The following CSMD3 variants were observed in gnomAD, a reference collection of about 807,000 sequenced individuals.
CSMD3 encodes CUB and Sushi multiple domains 3.
In CSMD3, 177 loss-of-function variants were observed where a neutral mutation model predicts 435.2. That is an observed-to-expected ratio of 0.41 (90% CI 0.36 to 0.46). The LOEUF (loss-of-function observed/expected upper bound fraction) is 0.46, where lower values mean the gene tolerates loss of function less well. Among genes scored for constraint, CSMD3 ranks in the 20% least tolerant of loss-of-function variants. CSMD3 has a pLI of 0.34. For missense variants in CSMD3, 4,265 were observed against 4,504.6 expected (o/e 0.95, Z 1.52); for synonymous variants, 1,656 against 1,520.5 (o/e 1.09, Z -2.07).
chr8:112,763,484 A>G (rs1203742781), intron 13 of CSMD3, among the ~76,000 whole-genome samples: 1 of 150,432 alleles, frequency 6.6e-6, no homozygotes, highest in Non-Finnish European at 1.5e-5. Flanking sequence ...TAGCATCACC[A>G]TTTTATTCAA....
chr8:113,230,472 C>T (rs1043382208), intron 3 of CSMD3, among the ~76,000 whole-genome samples: 2 of 151,496 alleles, frequency 1.3e-5, no homozygotes, highest in Admixed American at 6.6e-5. Flanking sequence ...GTCATCAGAA[C>T]CAGAGAACTA....
In CSMD3 at chr8:112,408,342, T is replaced by C; in HGVS notation, c.5581A>G (p.Lys1861Glu). ...CCTTGGTAAACAAAGTGAAATCCCT[T>C]AGCTGTTATTGGTCCAACTGAAGTA... ...RFTSVGPITA[K>E]GFHFVYQAVP... The change falls in exon 34 of 71, where the codon AAG (lysine) becomes GAG (glutamate). Residue 1861 changes from lysine to glutamate, a missense_variant. By Grantham distance (56) the Lys-to-Glu change is moderately conservative (BLOSUM62 1). Coordinates refer to ENST00000297405, the MANE Select transcript of CSMD3 (RefSeq NM_198123.2). 3 of 1,609,140 alleles carry C rather than the reference T, an allele frequency of 1.9e-6. No homozygotes were observed. Among genetic ancestry groups the C allele is most frequent in the Non-Finnish European group, 2.6e-6 (3 of 1,175,836 alleles).
At chr8:112,325,005 G>C (rs1220164324) in intron 45 of CSMD3, among the ~76,000 whole-genome samples, 1 of 152,002 alleles carries the variant, frequency 6.6e-6, no homozygotes, top group East Asian at 1.9e-4. Context: ...AACTTTGTCT[G>C]ATTAACTTCA....
intron 6 of CSMD3, among the ~76,000 whole-genome samples, chr8:112,982,292 T>C (rs2085081818): frequency 6.6e-6 from 1 of 151,868 alleles, no homozygotes; most frequent in Non-Finnish European, 1.5e-5. Context: ...TATAATAGTC[T>C]TATAAGGTCA....
intron 12 of CSMD3, among the ~76,000 whole-genome samples, chr8:112,822,854 A>G (rs930349707): frequency 1.3e-5 from 2 of 152,130 alleles, no homozygotes; most frequent in Non-Finnish European, 2.9e-5. Context: ...AGAGGTGTCA[A>G]ATTGTATTGA....
intron 13 of CSMD3, among the ~76,000 whole-genome samples, chr8:112,784,108 CA>C (rs1325249242): frequency 6.6e-6 from 1 of 151,782 alleles, no homozygotes; most frequent in Admixed American, 6.6e-5. Flanking sequence ...TAGATATTTG[CA>C]GATAGAATAA....
rs931491 is a variant in CSMD3 at position 112,324,582 on chromosome 8, G to T, written c.7166-4601C>A. 1.5e-3 allele frequency among the ~76,000 whole-genome samples: 229 copies of T among 149,254 alleles called. 2 individuals carry two copies. Among genetic ancestry groups the T allele is most frequent in the Middle Eastern group, 7.0e-3 (2 of 286 alleles). ...AGTTGAAGCAAGGGGTGTGTGTGTGGGTGTGTGTGTGTGTGTGTGTTTTCT... is the reference window on the plus strand; with the variant it reads ...AGTTGAAGCAAGGGGTGTGTGTGTGTGTGTGTGTGTGTGTGTGTGTTTTCT... On this transcript the variant is annotated intron_variant, in intron 45 of 70. Coordinates refer to ENST00000297405, the MANE Select transcript of CSMD3 (RefSeq NM_198123.2).
At chr8:113,150,609 C>T (rs1339191161) in intron 4 of CSMD3, among the ~76,000 whole-genome samples, 2 of 151,906 alleles carry the variant, frequency 1.3e-5, no homozygotes, top group Non-Finnish European at 2.9e-5. Flanking sequence ...ATAATTTTTG[C>T]TTTTGTCTTA....
intron 2 of CSMD3, among the ~76,000 whole-genome samples, chr8:113,285,588 C>A (rs1047271755): frequency 6.6e-6 from 1 of 152,068 alleles, no homozygotes; most frequent in Non-Finnish European, 1.5e-5. Context: ...GCGAAAACTG[C>A]ACTGGTTAGC....
intron 3 of CSMD3, among the ~76,000 whole-genome samples, chr8:113,269,769 G>A (rs1196410685): frequency 6.6e-6 from 1 of 151,958 alleles, no homozygotes; most frequent in African/African-American, 2.4e-5. Context: ...TATGTAGAAA[G>A]CTGAAACTGG....
chr8:112,495,312 G>C (rs1379553675), intron 30 of CSMD3, among the ~76,000 whole-genome samples: 2 of 152,124 alleles, frequency 1.3e-5, no homozygotes, highest in African/African-American at 4.8e-5. Context: ...TAATCTCGTT[G>C]ACAAGTCTAT....
intron 1 of CSMD3, among the ~76,000 whole-genome samples, chr8:113,388,545 T>G (rs2133139399): frequency 6.6e-6 from 1 of 151,730 alleles, no homozygotes; most frequent in Non-Finnish European, 1.5e-5. Flanking sequence ...TTTAAAAAAT[T>G]TTTGTTTGCA....
At chr8:112,534,175 G>C (rs1358630033) in intron 27 of CSMD3, among the ~76,000 whole-genome samples, 5 of 152,004 alleles carry the variant, frequency 3.3e-5, no homozygotes, top group Non-Finnish European at 1.5e-5. Context: ...ACTAAAATCA[G>C]AGCACAACTG....
At chr8:113,098,544 T>C in intron 5 of CSMD3, 1 of 564,200 alleles carries the variant, frequency 1.8e-6, no homozygotes, top group South Asian at 2.1e-5. Flanking sequence ...GAATAACTTT[T>C]ATTTGTTTAT....
intron 38 of CSMD3, among the ~76,000 whole-genome samples, chr8:112,364,128 A>G (rs1194055651): frequency 6.6e-6 from 1 of 152,070 alleles, no homozygotes; most frequent in Non-Finnish European, 1.5e-5. Context: ...AGCAGTAAAA[A>G]TAATAACAGT....
At chr8:112,459,031 T>C (rs1234308232) in intron 32 of CSMD3, among the ~76,000 whole-genome samples, 1 of 152,022 alleles carries the variant, frequency 6.6e-6, no homozygotes, top group African/African-American at 2.4e-5. Context: ...CCTTCTCCAC[T>C]GCCTAAATTA....
At chr8:112,430,480 T>G (rs1323582672) in intron 32 of CSMD3, among the ~76,000 whole-genome samples, 1 of 152,030 alleles carries the variant, frequency 6.6e-6, no homozygotes. Flanking sequence ...TGATAATTTG[T>G]TGCCTTTTCA....
At chr8:113,411,354 A>G (rs1182073471) in intron 1 of CSMD3, among the ~76,000 whole-genome samples, 1 of 152,108 alleles carries the variant, frequency 6.6e-6, no homozygotes, top group Non-Finnish European at 1.5e-5. Context: ...GACTTCAGTT[A>G]CTCCACTAAA....
chr8:112,561,971 T>A (rs993040281), intron 24 of CSMD3, among the ~76,000 whole-genome samples: 1 of 151,506 alleles, frequency 6.6e-6, no homozygotes, highest in Non-Finnish European at 1.5e-5. Context: ...CCAAACTAAT[T>A]GATTTTGCAG....
Sources: allele counts gnomAD v4.1 joint callset (sites outside exome capture counted in the v4.1 genomes callset), GRCh38; gene constraint gnomAD v4.1.1; transcripts MANE v1.5; gene names NCBI Gene and HGNC (gene_info 2026-07-23, HGNC 2026-07-21).